The following DOK7 variants were observed in gnomAD, a reference collection of about 807,000 sequenced individuals.
DOK7 encodes docking protein 7.
A neutral mutation model predicts 30.7 loss-of-function variants in DOK7; 32 were observed. The observed-to-expected ratio is 1.04, with a 90% CI of 0.79 to 1.40. The LOEUF is 1.40. Ranked by LOEUF, DOK7 falls within the 40% of genes most tolerant of loss-of-function variation. DOK7 has a pLI of 0.00. For missense variants in DOK7, 1,007 were observed against 699.2 expected, an observed-to-expected ratio of 1.44 and a Z score of -4.97; for synonymous variants, 447 against 324.1, an observed-to-expected ratio of 1.38 and a Z score of -4.07.
Position 3,487,032 on chromosome 4 carries a change from GC to G in DOK7, c.652+1376del, listed in dbSNP as rs556537058. ...AGGCTCCACCGCAGGCAGCACGTGG[GC>G]CAGCCCCAGGCGGGGCCATTGCTGA... is the stretch of plus-strand genomic sequence containing the variant. On this transcript the variant is annotated intron_variant, in intron 5 of 6. Coordinates refer to ENST00000340083, the MANE Select transcript of DOK7 (RefSeq NM_173660.5). Among the ~76,000 whole-genome samples the G allele has an allele frequency of 5.9e-5, 9 of 152,248 alleles. No individual in the cohort carries two copies. In the South Asian group the frequency reaches 1.9e-3, roughly 32 times the overall value.
rs73793916 is a variant in DOK7 at position 3,473,057 on chromosome 4, G to C, written c.101-349G>C. On this transcript the variant is annotated intron_variant, in intron 2 of 6. Transcript: ENST00000340083. The stretch of plus-strand genomic sequence containing the variant: ...GGCCCCACGCTGGGCCCCCAAGCCC[G>C]TGACCACAGATCCTGCAGCCCTCAG... Among the ~76,000 whole-genome samples the C allele has an allele frequency of 0.012, 1,755 of 152,310 alleles. 38 individuals are homozygous for C. Among genetic ancestry groups the C allele is most frequent in the African/African-American group, 0.039 (1,639 of 41,570 alleles).
rs767163518 is a variant in DOK7 at position 3,500,312 on chromosome 4, C to CACTT, written c.1173_1176dup (p.Val393LeufsTer144). On this transcript the variant is annotated frameshift_variant, in exon 7 of 8. Coordinates refer to the DOK7 transcript ENST00000643608. LOFTEE classifies it high-confidence loss of function. ...CAGAGAGGCCGCGCGGCGAGTCGCC[C>CACTT]ACTTACGTGAACATCCCCGTCAGCC... 4 of 1,535,842 alleles carry CACTT rather than the reference C, an allele frequency of 2.6e-6. No individual in the cohort carries two copies. The African/African-American group carries it at 5.5e-5, about 21-fold the overall frequency.
chr4:3,488,502 C>G (rs73195133), intron 5 of DOK7, among the ~76,000 whole-genome samples: 17,944 of 152,266 alleles, frequency 0.12, 1,530 homozygotes, highest in South Asian at 0.25. Context: ...ACCATGGGGT[C>G]GGGACGTCTG....
chr4:3,476,836 A>G (rs1276799332), intron 4 of DOK7, among the ~76,000 whole-genome samples: 1 of 152,288 alleles, frequency 6.6e-6, no homozygotes, highest in African/African-American at 2.4e-5. Flanking sequence ...AGAGCCGCTC[A>G]TATCCAGATT....
chr4:3,478,353 C>T, intron 4 of DOK7, among the ~76,000 whole-genome samples: 1 of 152,240 alleles, frequency 6.6e-6, no homozygotes, highest in East Asian at 1.9e-4. Context: ...ACACCTGGGG[C>T]TGTGCTTCTC....
chr4:3,468,795 T>A (rs557807769), intron 2 of DOK7, among the ~76,000 whole-genome samples: 3 of 141,692 alleles, frequency 2.1e-5, no homozygotes, highest in African/African-American at 9.0e-5. Flanking sequence ...TGATCATGTA[T>A]GTCTGTGTGT....
At chr4:3,495,087 G>A (rs1448064813), downstream of DOK7, among the ~76,000 whole-genome samples, 3 of 152,168 alleles carry the variant, frequency 2.0e-5, no homozygotes, top group African/African-American at 7.2e-5. Flanking sequence ...CCTGCTGGCT[G>A]GGTGACCCTA....
Position 3,500,521 on chromosome 4 carries a change from C to A in DOK7, c.1261+118C>A, listed in dbSNP as rs1394149498. The A allele has an allele frequency of 1.2e-5, 17 of 1,471,180 alleles. No homozygotes were observed. In the East Asian group the frequency reaches 2.7e-4, roughly 24 times the overall value. The allele number at this position is 1,471,180 out of a possible 1,614,324, so 91.1% of individuals were successfully genotyped here. On this transcript the variant is annotated intron_variant, in intron 7 of 7. Transcript: ENST00000643608. ...GGCCAGGGAGCTTTTCCTACAGCCT[C>A]CCCCCAGGAGGCAAATGTCCCCAAC...
rs377555406 is a variant in DOK7, at chr4:3,493,265, G to C, written c.1279G>C (p.Gly427Arg). The change falls in exon 7 of 7, where the codon GGC becomes CGC. Residue 427 changes from glycine (G) to arginine (R), a missense_variant. Transcript: ENST00000340083. The part of the protein sequence containing the change: ...DHSPPSQGSP[G>R]NSAARDSGGQ... ...CAGCCCCCCCTCACAGGGCAGCCCC[G>C]GCAACAGTGCGGCCAGGGACTCAGG... 1.2e-6 allele frequency: 2 copies of C among 1,611,516 alleles called. No homozygotes were observed. Among genetic ancestry groups the C allele is most frequent in the Non-Finnish European group, 8.5e-7 (1 of 1,179,468 alleles).
chr4:3,477,678 A>G (rs759305681), intron 4 of DOK7, among the ~76,000 whole-genome samples: 7 of 152,214 alleles, frequency 4.6e-5, no homozygotes, highest in Non-Finnish European at 1.0e-4. Flanking sequence ...AGCCAGCTGC[A>G]GGAGGCACGT....
In DOK7 at chr4:3,500,610, CTGGGGGACTGGT is replaced by C; in HGVS notation, c.1262-81_1262-70del. The C allele has an allele frequency of 3.3e-6, 5 of 1,530,278 alleles. No individual in the cohort carries two copies. In the Admixed American group the frequency reaches 7.9e-5, roughly 24 times the overall value. 94.8% of individuals were successfully genotyped at this position (1,530,278 alleles called of 1,614,324 possible). On this transcript the variant is annotated intron_variant, in intron 7 of 7. Transcript: ENST00000643608. ...CACTCAGATGCTTCCGAGGGCCTGG[CTGGGGGACTGGT>C]GTGGAGGGCAGGGTCACAGGGCTGG...
chr4:3,498,372 C>G (rs889875118), downstream of DOK7, among the ~76,000 whole-genome samples: 2 of 151,738 alleles, frequency 1.3e-5, no homozygotes, highest in African/African-American at 4.8e-5. Flanking sequence ...GTGTTGGGAA[C>G]ATTCGTCCCC....
rs369097788 is a variant in DOK7, at chr4:3,471,619, C to A, written c.101-1787C>A. 2.0e-5 allele frequency among the ~76,000 whole-genome samples: 3 copies of A among 152,256 alleles called. No homozygotes were observed. The East Asian group carries it at 5.8e-4, about 29-fold the overall frequency. ...GCCACCCGTGTTCATGCTGTTCCCA[C>A]ACACCGTCATTTCTTGGGTGCTCTG... On this transcript the variant is annotated intron_variant, in intron 2 of 6. Coordinates refer to ENST00000340083, the MANE Select transcript of DOK7 (RefSeq NM_173660.5).
chr4:3,470,911 G>A (rs952555506), intron 2 of DOK7, among the ~76,000 whole-genome samples: 10 of 152,242 alleles, frequency 6.6e-5, no homozygotes, highest in Non-Finnish European at 1.3e-4. Context: ...GTTGTTATCA[G>A]GTGCCGGAGC....
chr4:3,484,420 C>A, intron 4 of DOK7: 1 of 902,612 alleles, frequency 1.1e-6, no homozygotes, highest in Non-Finnish European at 1.3e-6. Flanking sequence ...CTCCTGCCCA[C>A]CCCGGCGCCT....
intron 6 of DOK7, among the ~76,000 whole-genome samples, chr4:3,491,325 CATTCATTCCTTCCTTCTTCGCCTGCTT>C (rs1291161105): frequency 8.9e-6 from 1 of 112,026 alleles, no homozygotes; most frequent in Non-Finnish European, 1.9e-5. Context: ...TCCCCCTGCT[CATTCATTCCTTCCTTCTTCGCCTGCTT>C]GTTCCTTCCT....
chr4:3,500,520 TC>T (rs999206592), intron 7 of DOK7: 4 of 1,473,258 alleles, frequency 2.7e-6, no homozygotes, highest in African/African-American at 2.8e-5. Flanking sequence ...TCCTACAGCC[TC>T]CCCCCAGGAG....
At chr4:3,490,396 G>GTCCTTCATTACCCTCATGCTCATTCAT (rs147752087) in intron 6 of DOK7, among the ~76,000 whole-genome samples, 2 of 44,346 alleles carry the variant, frequency 4.5e-5, no homozygotes, top group Admixed American at 2.7e-4. Context: ...TGCTCATTCA[G>GTCCTTCATTACCCTCATGCTCATTCAT]TCCTTCTTTC....
intron 4 of DOK7, 81 bp downstream of exon 4, chr4:3,476,623 AC>A: frequency 6.4e-7 from 1 of 1,570,488 alleles, no homozygotes; most frequent in African/African-American, 1.4e-5. Context: ...GGGCCGGCCG[AC>A]CCCACTTGCA....
Sources: allele counts gnomAD v4.1 joint callset (sites outside exome capture counted in the v4.1 genomes callset), GRCh38; gene constraint gnomAD v4.1.1; transcripts MANE v1.5; gene names NCBI Gene and HGNC (gene_info 2026-07-23, HGNC 2026-07-21).